The following TMEM132D variants were observed in gnomAD, a reference collection of about 807,000 sequenced individuals.
TMEM132D encodes the protein mature OL transmembrane protein.
A neutral mutation model predicts 62.3 loss-of-function variants in TMEM132D; 21 were observed. The observed-to-expected ratio is 0.34, with a 90% CI of 0.24 to 0.49. The LOEUF is 0.49. Among genes scored for constraint, TMEM132D ranks in the 20% least tolerant of loss-of-function variants. The pLI is 0.99. For synonymous variants in TMEM132D, 621 were observed against 575.6 expected (o/e 1.08, Z -1.13); for missense variants, 1,346 against 1,402.8 (o/e 0.96, Z 0.65).
Position 129,745,047 on chromosome 12 carries a change from C to A in TMEM132D, c.80-44349G>T, listed in dbSNP as rs1869731580. ...TGACTGTTCCTCCTACACACATGCT[C>A]TCTCGCTGTCCTGCTACCATGTAAG... On this transcript the variant is annotated intron_variant, in intron 1 of 8. Coordinates refer to ENST00000422113, the MANE Select transcript of TMEM132D (RefSeq NM_133448.3). Among the ~76,000 whole-genome samples, 3 of 152,140 alleles carry A rather than the reference C, an allele frequency of 2.0e-5. 1 individual carries two copies. In the South Asian group the frequency reaches 6.2e-4, roughly 32 times the overall value.
intron 1 of TMEM132D, among the ~76,000 whole-genome samples, chr12:129,846,884 T>A (rs1012240941): frequency 4.6e-5 from 7 of 152,380 alleles, no homozygotes; most frequent in African/African-American, 1.7e-4. Context: ...AAATCCACTA[T>A]GAAAATTCCA....
At chr12:129,396,452 T>A (rs1419675171) in intron 3 of TMEM132D, among the ~76,000 whole-genome samples, 1 of 152,214 alleles carries the variant, frequency 6.6e-6, no homozygotes. Context: ...AATTTCAAAG[T>A]CACATCCATA....
intron 4 of TMEM132D, among the ~76,000 whole-genome samples, chr12:129,314,504 T>C (rs142956845): frequency 0.016 from 2,449 of 152,308 alleles, 77 homozygotes; most frequent in African/African-American, 0.056. Flanking sequence ...ACCATGCTGT[T>C]TTGGTGACTA....
At chr12:129,210,436 G>A (rs769891959) in intron 4 of TMEM132D, among the ~76,000 whole-genome samples, 5 of 151,680 alleles carry the variant, frequency 3.3e-5, no homozygotes, top group African/African-American at 4.9e-5. Context: ...CCACTGATGC[G>A]ACCCACGATG....
intron 6 of TMEM132D, among the ~76,000 whole-genome samples, chr12:129,083,775 A>G (rs1191106448): frequency 6.6e-6 from 1 of 152,170 alleles, no homozygotes; most frequent in Non-Finnish European, 1.5e-5. Flanking sequence ...ATTCTTATAC[A>G]CGGTTTCTCT....
chr12:129,078,552 A>G lies in TMEM132D; in HGVS notation c.2097T>C (p.Leu699=). ...AIFATAVAQE[L]LQRPKQEAAI... ...TCCATACCTGTTTTGGCCTCTGCAG[A>G]AGTTCCTGAGCCACTGCAGTGGCAA... The change falls in exon 8 of 9, where the codon CTT becomes CTC. Residue 699 remains leucine (L), a synonymous_variant. Transcript: ENST00000422113. 1 of 1,613,808 alleles carries G rather than the reference A, an allele frequency of 6.2e-7. No homozygotes were observed. Among genetic ancestry groups the G allele is most frequent in the East Asian group, 2.2e-5 (1 of 44,858 alleles).
intron 2 of TMEM132D, among the ~76,000 whole-genome samples, chr12:129,594,443 A>G (rs1250475311): frequency 6.6e-6 from 1 of 152,214 alleles, no homozygotes; most frequent in East Asian, 1.9e-4. Flanking sequence ...AGTCATGCAC[A>G]GTAAGTTGCT....
intron 5 of TMEM132D, among the ~76,000 whole-genome samples, chr12:129,118,426 A>T (rs12821913): frequency 2.0e-5 from 3 of 152,076 alleles, no homozygotes; most frequent in African/African-American, 4.8e-5. Flanking sequence ...ATCCCTCGTC[A>T]GCCCCAGCAC....
chr12:129,624,371 G>C (rs1008483396), intron 2 of TMEM132D, among the ~76,000 whole-genome samples: 3 of 152,210 alleles, frequency 2.0e-5, no homozygotes, highest in Non-Finnish European at 4.4e-5. Flanking sequence ...ACCCCCAAAT[G>C]GGACAATTGT....
intron 4 of TMEM132D, among the ~76,000 whole-genome samples, chr12:129,248,223 A>G (rs1880174734): frequency 6.6e-6 from 1 of 152,194 alleles, no homozygotes; most frequent in African/African-American, 2.4e-5. Context: ...TTAATGCTGA[A>G]ACCGTGTCAT....
intron 4 of TMEM132D, among the ~76,000 whole-genome samples, chr12:129,244,279 G>C (rs7978271): frequency 6.7e-6 from 1 of 149,910 alleles, no homozygotes; most frequent in Non-Finnish European, 1.5e-5. Flanking sequence ...CCAGCTACTC[G>C]GGAGGCTGAG....
chr12:129,362,759 C>T (rs1870288287), intron 3 of TMEM132D, among the ~76,000 whole-genome samples: 2 of 152,014 alleles, frequency 1.3e-5, no homozygotes, highest in Admixed American at 1.3e-4. Flanking sequence ...CTAGATGAGA[C>T]TTGGGCAGAA....
rs559450032 is a variant in TMEM132D at position 129,845,951 on chromosome 12, A to G, written c.79+57310T>C. Reference sequence around the variant, plus strand: ...CAAATTAAGGGGCAAGTTATGCAGCAATTTCTAGAAATAGAGTAGTAACTT... The same window carrying G: ...CAAATTAAGGGGCAAGTTATGCAGCGATTTCTAGAAATAGAGTAGTAACTT... On this transcript the variant is annotated intron_variant, in intron 1 of 8. Coordinates refer to ENST00000422113, the MANE Select transcript of TMEM132D (RefSeq NM_133448.3). 2.0e-5 allele frequency among the ~76,000 whole-genome samples: 3 copies of G among 152,312 alleles called. No homozygotes were observed. The South Asian group carries it at 6.2e-4, about 32-fold the overall frequency.
At chr12:129,388,696 C>A (rs1404107601) in intron 3 of TMEM132D, among the ~76,000 whole-genome samples, 2 of 123,622 alleles carry the variant, frequency 1.6e-5, no homozygotes, top group Non-Finnish European at 3.6e-5. Flanking sequence ...CAACACCAAT[C>A]CAGCACTGAT....
chr12:129,868,340 T>C (rs1874128017), intron 1 of TMEM132D, among the ~76,000 whole-genome samples: 1 of 152,202 alleles, frequency 6.6e-6, no homozygotes, highest in African/African-American at 2.4e-5. Flanking sequence ...AACTATATAC[T>C]TGAAACGGGT....
chr12:129,472,533 G>A (rs2137047956), intron 3 of TMEM132D, among the ~76,000 whole-genome samples: 1 of 152,170 alleles, frequency 6.6e-6, no homozygotes, highest in East Asian at 1.9e-4. Context: ...AAACCACTAT[G>A]GCAGGTGTAT....
chr12:129,160,429 G>A (rs1340308955), intron 5 of TMEM132D, among the ~76,000 whole-genome samples: 4 of 152,198 alleles, frequency 2.6e-5, no homozygotes, highest in Non-Finnish European at 5.9e-5. Flanking sequence ...CAAGACTTTA[G>A]TTTGCATTAG....
At chr12:129,467,706 G>A (rs1873956374) in intron 3 of TMEM132D, among the ~76,000 whole-genome samples, 1 of 152,200 alleles carries the variant, frequency 6.6e-6, no homozygotes, top group African/African-American at 2.4e-5. Context: ...GGGACACTCT[G>A]TGTGGGAAGG....
chr12:129,259,668 G>A (rs1880501508), intron 4 of TMEM132D, among the ~76,000 whole-genome samples: 1 of 152,166 alleles, frequency 6.6e-6, no homozygotes, highest in African/African-American at 2.4e-5. Flanking sequence ...CAATGGCCCA[G>A]GTGTAAAATG....
Sources: allele counts gnomAD v4.1 joint callset (sites outside exome capture counted in the v4.1 genomes callset), GRCh38; gene constraint gnomAD v4.1.1; transcripts MANE v1.5; gene names NCBI Gene and HGNC (gene_info 2026-07-23, HGNC 2026-07-21).